The following PDGFC variants were observed in gnomAD, a reference collection of about 807,000 sequenced individuals.
PDGFC encodes platelet derived growth factor C.
In PDGFC, 12 loss-of-function variants were observed where a neutral mutation model predicts 35.5. The observed-to-expected ratio is 0.34, with a 90% CI of 0.22 to 0.55. The LOEUF is 0.55. Ranked by LOEUF, PDGFC falls within the 20% of genes least tolerant of loss-of-function variation. PDGFC has a pLI of 0.91. For missense variants in PDGFC, 322 were observed against 412.4 expected, an observed-to-expected ratio of 0.78 and a Z score of 1.90; for synonymous variants, 159 against 148.8, an observed-to-expected ratio of 1.07 and a Z score of -0.50.
chr4:156,807,165 G>C (rs892509404), intron 3 of PDGFC, among the ~76,000 whole-genome samples: 1 of 151,870 alleles, frequency 6.6e-6, no homozygotes, highest in Non-Finnish European at 1.5e-5. Context: ...AGCATGACTG[G>C]AGAATAATAT....
intron 2 of PDGFC, among the ~76,000 whole-genome samples, chr4:156,819,625 C>A (rs1732193907): frequency 6.6e-6 from 1 of 152,276 alleles, no homozygotes; most frequent in African/African-American, 2.4e-5. Flanking sequence ...CACCTGGTCA[C>A]CCAAGAGCTC....
chr4:156,781,280 C>G (rs775539198), intron 3 of PDGFC, among the ~76,000 whole-genome samples: 1 of 152,114 alleles, frequency 6.6e-6, no homozygotes, highest in African/African-American at 2.4e-5. Context: ...TCCATTGCTG[C>G]CACTTTACAA....
intron 1 of PDGFC, chr4:156,967,522 A>G (rs1430452044): frequency 6.6e-6 from 1 of 152,240 alleles, no homozygotes; most frequent in Non-Finnish European, 1.5e-5. Context: ...AAATGAGAAA[A>G]AAATGATACG....
intron 1 of PDGFC, among the ~76,000 whole-genome samples, chr4:156,931,035 A>G (rs1266084146): frequency 2.0e-5 from 3 of 151,878 alleles, no homozygotes; most frequent in African/African-American, 4.8e-5. Flanking sequence ...CCTGCTACCT[A>G]TTGTTGGAGG....
chr4:156,943,126 C>T (rs1731853089), intron 1 of PDGFC, among the ~76,000 whole-genome samples: 1 of 151,990 alleles, frequency 6.6e-6, no homozygotes, highest in African/African-American at 2.4e-5. Flanking sequence ...TTAAGGGTAA[C>T]CCCTACCAAT....
chr4:156,963,062 T>C (rs565619891), intron 1 of PDGFC, among the ~76,000 whole-genome samples: 87 of 152,116 alleles, frequency 5.7e-4, no homozygotes, highest in Non-Finnish European at 7.9e-4. Flanking sequence ...TGTTTGAGAA[T>C]GTTGATTTCC....
intron 2 of PDGFC, among the ~76,000 whole-genome samples, chr4:156,818,645 C>A (rs112283061): frequency 0.062 from 9,469 of 151,788 alleles, 389 homozygotes; most frequent in Middle Eastern, 0.12. Context: ...CTCAGCCTCC[C>A]GAGTAGCTGG....
intron 3 of PDGFC, among the ~76,000 whole-genome samples, chr4:156,788,466 C>G (rs763770788): frequency 1.3e-5 from 2 of 152,150 alleles, no homozygotes. Context: ...GTATCAGAAA[C>G]TTAGCAGGGC....
rs138135239 is a variant in PDGFC, at chr4:156,843,508, C to T, written c.314+6713G>A. ...ATCTGCTTCCCCTTCCCCTTGCCAGCGGCTGAGGTAGGCATACCACAGAAA... is the reference window on the plus strand; with the variant it reads ...ATCTGCTTCCCCTTCCCCTTGCCAGTGGCTGAGGTAGGCATACCACAGAAA... On this transcript the variant is annotated intron_variant, in intron 2 of 5. Transcript: ENST00000502773. Among the ~76,000 whole-genome samples, 594 of 152,248 alleles carry T rather than the reference C, an allele frequency of 3.9e-3. 3 individuals carry two copies. Among genetic ancestry groups the T allele is most frequent in the African/African-American group, 0.014 (562 of 41,546 alleles).
At chr4:156,875,613 C>T (rs138539030) in intron 1 of PDGFC, among the ~76,000 whole-genome samples, 4 of 152,218 alleles carry the variant, frequency 2.6e-5, no homozygotes, top group African/African-American at 9.6e-5. Context: ...GAAAGAAAAA[C>T]ATCTACCTCA....
intron 1 of PDGFC, among the ~76,000 whole-genome samples, chr4:156,889,154 G>A (rs1163275761): frequency 6.6e-6 from 1 of 152,034 alleles, no homozygotes; most frequent in Non-Finnish European, 1.5e-5. Flanking sequence ...CCCAGACAGA[G>A]GCCTACCTTC....
intron 1 of PDGFC, among the ~76,000 whole-genome samples, chr4:156,935,587 T>A (rs1731659534): frequency 6.6e-6 from 1 of 152,174 alleles, no homozygotes; most frequent in Admixed American, 6.5e-5. Context: ...ACCACTGTCA[T>A]ATATGTGGTC....
chr4:156,834,474 C>A (rs1309364507), intron 2 of PDGFC, among the ~76,000 whole-genome samples: 1 of 152,084 alleles, frequency 6.6e-6, no homozygotes, highest in East Asian at 1.9e-4. Flanking sequence ...TCCATTTACA[C>A]AAATATTTTG....
chr4:156,841,807 C>T (rs1026561755), intron 2 of PDGFC, among the ~76,000 whole-genome samples: 11 of 152,118 alleles, frequency 7.2e-5, no homozygotes, highest in African/African-American at 2.7e-4. Flanking sequence ...CACCTGGCCT[C>T]AGGCAGTTCA....
At chr4:156,850,470 T>C in intron 1 of PDGFC, 54 bp from the exon 2 acceptor site, 1 of 1,029,934 alleles carries the variant, frequency 9.7e-7, no homozygotes, top group African/African-American at 1.6e-5. Context: ...AAATTATAGG[T>C]ATCAAAGCAA....
At chr4:156,792,239 A>C (rs1013134416) in intron 3 of PDGFC, among the ~76,000 whole-genome samples, 2 of 152,190 alleles carry the variant, frequency 1.3e-5, no homozygotes, top group Admixed American at 6.5e-5. Flanking sequence ...TATAATATAC[A>C]ATTTGGATAA....
intron 1 of PDGFC, among the ~76,000 whole-genome samples, chr4:156,877,255 T>TA (rs1454429284): frequency 6.6e-6 from 1 of 150,892 alleles, no homozygotes; most frequent in Admixed American, 6.6e-5. Flanking sequence ...TTCTCAGTGT[T>TA]ACGGAAATAA....
intron 3 of PDGFC, among the ~76,000 whole-genome samples, chr4:156,804,599 A>AT (rs979408893): frequency 4.0e-4 from 61 of 151,976 alleles, no homozygotes; most frequent in African/African-American, 1.3e-3. Context: ...TTTTATAGGT[A>AT]TTTTTTTCCT....
At chr4:156,969,625 G>GA (rs953383811) in intron 1 of PDGFC, among the ~76,000 whole-genome samples, 15 of 151,690 alleles carry the variant, frequency 9.9e-5, no homozygotes, top group Admixed American at 7.2e-4. Flanking sequence ...ATATGAAAAG[G>GA]AAAAAAAATC....
Sources: gnomAD v4.1 joint callset for allele counts (sites outside exome capture counted in the v4.1 genomes callset) on GRCh38, gnomAD v4.1.1 for gene constraint, MANE v1.5 for transcripts, NCBI Gene and HGNC (gene_info 2026-07-23, HGNC 2026-07-21) for gene names.